HPSE2: variants seen among roughly 807,000 people sequenced by gnomAD.
HPSE2 encodes inactive heparanase-2.
In HPSE2, 38 loss-of-function variants were observed where a neutral mutation model predicts 60.5. That is an observed-to-expected ratio of 0.63 (90% CI 0.48 to 0.82). The LOEUF (loss-of-function observed/expected upper bound fraction) is 0.82, where lower values mean the gene tolerates loss of function less well. HPSE2 is among the 40% of genes least tolerant of loss of function. The probability of loss-of-function intolerance (pLI) is 0.00; values close to 1 mark genes in which losing one functional copy is unlikely to be tolerated. For synonymous variants in HPSE2, 295 were observed against 293.2 expected (o/e 1.01, Z -0.06); for missense variants, 713 against 740.4 (o/e 0.96, Z 0.43).
Position 99,013,799 on chromosome 10 carries a change from C to T in HPSE2, c.610+130439G>A, listed in dbSNP as rs1957071762. 1.0e-5 allele frequency: 3 copies of T among 293,252 alleles called. 1 individual carries two copies. The South Asian group carries it at 1.1e-4, about 11-fold the overall frequency. 18.2% of individuals were successfully genotyped at this position (293,252 alleles called of 1,614,324 possible). A position where few individuals can be genotyped will look rare whatever the true frequency, so the allele number is the denominator to read the frequency against. ...GTATTATTAATCACTATCTCTTTTA[C>T]ATTACTTCCTATTGTAGGAGATGTA... On this transcript the variant is annotated intron_variant, in intron 3 of 11. Transcript: ENST00000370552.
intron 9 of HPSE2, among the ~76,000 whole-genome samples, chr10:98,512,030 G>A (rs746967813): frequency 1.3e-5 from 2 of 152,236 alleles, no homozygotes; most frequent in Non-Finnish European, 2.9e-5. Flanking sequence ...ATTTGACCTT[G>A]GAGAGCCAAG....
intron 3 of HPSE2, among the ~76,000 whole-genome samples, chr10:98,838,799 T>C (rs185083135): frequency 6.6e-6 from 1 of 152,228 alleles, no homozygotes; most frequent in Admixed American, 6.5e-5. Context: ...CAAAGGAATG[T>C]GGGAAGTTGT....
chr10:98,759,298 C>T (rs1196694376), intron 3 of HPSE2, among the ~76,000 whole-genome samples: 2 of 151,912 alleles, frequency 1.3e-5, no homozygotes, highest in South Asian at 2.1e-4. Context: ...CACAATTTAC[C>T]CATGCAACAA....
intron 3 of HPSE2, among the ~76,000 whole-genome samples, chr10:98,836,931 C>T (rs1156632923): frequency 2.6e-5 from 4 of 152,008 alleles, no homozygotes; most frequent in African/African-American, 9.7e-5. Context: ...CCCAGCTACT[C>T]GGGAGGCTGA....
At chr10:99,043,170 T>TAGC (rs1957779372) in intron 3 of HPSE2, among the ~76,000 whole-genome samples, 1 of 152,152 alleles carries the variant, frequency 6.6e-6, no homozygotes, top group Admixed American at 6.5e-5. Context: ...ATAAGTTCAC[T>TAGC]AGCTCCCCAA....
At chr10:99,285,494 G>GGGAGAGAA in the HPSE2 span, among the ~76,000 whole-genome samples, 2 of 124,842 alleles carry the variant, frequency 1.6e-5, no homozygotes, top group African/African-American at 6.3e-5. Context: ...GAGGGAGGGA[G>GGGAGAGAA]GGAGGGAAAG....
At chr10:98,922,421 T>C (rs1483559047) in intron 3 of HPSE2, among the ~76,000 whole-genome samples, 1 of 152,202 alleles carries the variant, frequency 6.6e-6, no homozygotes, top group African/African-American at 2.4e-5. Flanking sequence ...GTAGCTTGCA[T>C]ATTATGAGTC....
chr10:99,294,451 A>AACATATATAATAATATATAATATATTT, the HPSE2 span, among the ~76,000 whole-genome samples: 3 of 146,770 alleles, frequency 2.0e-5, no homozygotes, highest in African/African-American at 7.4e-5. Flanking sequence ...ATAATATATT[A>AACATATATAATAATATATAATATATTT]ACATATATAA....
chr10:98,994,109 C>T (rs1465496653), intron 3 of HPSE2, among the ~76,000 whole-genome samples: 2 of 152,174 alleles, frequency 1.3e-5, no homozygotes, highest in Non-Finnish European at 2.9e-5. Flanking sequence ...ACTCTTAATT[C>T]ACCATTTTCT....
chr10:99,004,585 T>C (rs1436088877), intron 3 of HPSE2, among the ~76,000 whole-genome samples: 2 of 152,182 alleles, frequency 1.3e-5, no homozygotes, highest in Non-Finnish European at 2.9e-5. Context: ...TACATCTTGT[T>C]ATAGTGTGTA....
At chr10:98,833,811 C>G (rs1299132052) in intron 3 of HPSE2, among the ~76,000 whole-genome samples, 1 of 152,030 alleles carries the variant, frequency 6.6e-6, no homozygotes, top group Non-Finnish European at 1.5e-5. Context: ...GAGCCTAGAC[C>G]TTTAAAACAT....
intron 5 of HPSE2, among the ~76,000 whole-genome samples, chr10:98,709,770 T>G (rs1948632422): frequency 6.6e-6 from 1 of 152,206 alleles, no homozygotes; most frequent in Admixed American, 6.5e-5. Flanking sequence ...TGTTGAGCCT[T>G]CTCTCCCAGG....
At chr10:98,590,101 G>C (rs1397060069) in intron 9 of HPSE2, among the ~76,000 whole-genome samples, 1 of 152,206 alleles carries the variant, frequency 6.6e-6, no homozygotes, top group African/African-American at 2.4e-5. Flanking sequence ...GAGTAAAGAA[G>C]GGGTTTACTG....
intron 9 of HPSE2, among the ~76,000 whole-genome samples, chr10:98,560,133 C>G (rs910042081): frequency 6.6e-6 from 1 of 152,094 alleles, no homozygotes; most frequent in Non-Finnish European, 1.5e-5. Context: ...ATCTTTCATC[C>G]ATGTTCATCT....
chr10:99,225,244 A>C (rs1320360082), intron 2 of HPSE2, among the ~76,000 whole-genome samples: 2 of 152,138 alleles, frequency 1.3e-5, no homozygotes, highest in African/African-American at 4.8e-5. Context: ...GTGAAATGCC[A>C]AGGATGAAGT....
At chr10:98,937,907 C>T (rs1476502401) in intron 3 of HPSE2, among the ~76,000 whole-genome samples, 3 of 143,698 alleles carry the variant, frequency 2.1e-5, no homozygotes, top group Non-Finnish European at 4.5e-5. Context: ...GAGGAACGAT[C>T]AGACAGCAGC....
intron 3 of HPSE2, among the ~76,000 whole-genome samples, chr10:98,968,060 T>C (rs1437749924): frequency 2.0e-5 from 3 of 152,154 alleles, no homozygotes; most frequent in African/African-American, 7.2e-5. Context: ...ATCCCCACTA[T>C]GTAATTCAAA....
intron 3 of HPSE2, among the ~76,000 whole-genome samples, chr10:98,812,501 G>A (rs1951191682): frequency 6.6e-6 from 1 of 152,106 alleles, no homozygotes; most frequent in Non-Finnish European, 1.5e-5. Flanking sequence ...CATACTTGAG[G>A]AATACTAGTC....
intron 1 of HPSE2, among the ~76,000 whole-genome samples, chr10:99,233,744 G>C (rs1179937121): frequency 1.3e-5 from 2 of 152,190 alleles, no homozygotes; most frequent in Admixed American, 6.5e-5. Context: ...AACCAGAATG[G>C]TCGTTTGGCA....
Sources: allele counts gnomAD v4.1 joint callset (sites outside exome capture counted in the v4.1 genomes callset), GRCh38; gene constraint gnomAD v4.1.1; transcripts MANE v1.5; gene names NCBI Gene and HGNC (gene_info 2026-07-23, HGNC 2026-07-21).